Variants in NDUFAF6 observed in about 807,000 individuals in gnomAD.
NDUFAF6 encodes the protein NADH dehydrogenase (ubiquinone) complex I, assembly factor 6.
Under a neutral mutation model 40.8 loss-of-function variants are expected in NDUFAF6, and 45 were observed. That is an observed-to-expected ratio of 1.10 (90% CI 0.87 to 1.42). The LOEUF (loss-of-function observed/expected upper bound fraction) is 1.42. Among genes scored for constraint, NDUFAF6 ranks in the 40% most tolerant of loss-of-function variants. NDUFAF6 has a pLI of 0.00. For synonymous variants in NDUFAF6, 185 were observed against 155.9 expected (o/e 1.19, Z -1.39); for missense variants, 435 against 418.5 (o/e 1.04, Z -0.34).
intron 1 of NDUFAF6, among the ~76,000 whole-genome samples, chr8:94,903,661 G>A (rs141741853): frequency 2.0e-5 from 3 of 152,308 alleles, no homozygotes; most frequent in African/African-American, 7.2e-5. Flanking sequence ...AGCTATATCT[G>A]TAACATTTGT....
At position 95,032,244 on chromosome 8, in the gene NDUFAF6, C is replaced by T; in HGVS notation, c.297+150C>T. The T allele has an allele frequency of 1.1e-5, 8 of 698,718 alleles. No individual in the cohort carries two copies. In the South Asian group the frequency reaches 1.3e-4, roughly 11 times the overall value. The allele number at this position is 698,718 out of a possible 1,614,324, so 43.3% of individuals were successfully genotyped here. On this transcript the variant is annotated intron_variant, in intron 2 of 8. Coordinates refer to ENST00000396124, the MANE Select transcript of NDUFAF6 (RefSeq NM_152416.4). ...TTCTTTTCCCTGCTAACTGTTTAGG[C>T]TTAGTAATTCAATACCAAAAATAAA...
At chr8:94,993,408 T>C (rs1257672761) in intron 2 of NDUFAF6, among the ~76,000 whole-genome samples, 1 of 152,230 alleles carries the variant, frequency 6.6e-6, no homozygotes, top group Non-Finnish European at 1.5e-5. Flanking sequence ...AGGGGTTTAA[T>C]CTCTTTCTTC....
At chr8:94,943,714 CACT>C (rs1197866810) in intron 1 of NDUFAF6, among the ~76,000 whole-genome samples, 1 of 152,200 alleles carries the variant, frequency 6.6e-6, no homozygotes, top group Non-Finnish European at 1.5e-5. Flanking sequence ...TTGTTTGGCA[CACT>C]ACTACACAAG....
At chr8:94,996,644 G>A (rs2131630818) in intron 2 of NDUFAF6, among the ~76,000 whole-genome samples, 1 of 152,268 alleles carries the variant, frequency 6.6e-6, no homozygotes. Context: ...TGTTTGGGTT[G>A]AATTGTGCCC....
At chr8:95,093,635 CA>C (rs1214051244) in intron 2 of NDUFAF6, among the ~76,000 whole-genome samples, 1 of 152,146 alleles carries the variant, frequency 6.6e-6, no homozygotes, top group African/African-American at 2.4e-5. Context: ...AACAAAGTAA[CA>C]AAGGCCAAAG....
At chr8:94,934,993 A>G (rs996823942) in intron 1 of NDUFAF6, among the ~76,000 whole-genome samples, 1 of 152,200 alleles carries the variant, frequency 6.6e-6, no homozygotes, top group African/African-American at 2.4e-5. Context: ...ATAAAAAATC[A>G]TCTACAATAT....
At chr8:94,999,577 C>T (rs1193014461) in intron 2 of NDUFAF6, among the ~76,000 whole-genome samples, 4 of 151,922 alleles carry the variant, frequency 2.6e-5, no homozygotes, top group African/African-American at 7.3e-5. Flanking sequence ...CCATCATACC[C>T]GGCTAATTTT....
intron 2 of NDUFAF6, among the ~76,000 whole-genome samples, chr8:95,093,952 C>T (rs988542916): frequency 2.0e-5 from 3 of 152,106 alleles, no homozygotes; most frequent in Admixed American, 2.0e-4. Context: ...TTCTTTAGAC[C>T]TGAAATAAAT....
downstream of NDUFAF6, among the ~76,000 whole-genome samples, chr8:95,077,131 A>G (rs76918004): frequency 7.3e-3 from 1,111 of 152,326 alleles, 12 homozygotes; most frequent in African/African-American, 0.025. Context: ...CGAAAAAATC[A>G]ACCCTGGGGA....
At chr8:95,071,029 A>G (rs1832830215) in intron 9 of NDUFAF6, among the ~76,000 whole-genome samples, 1 of 152,172 alleles carries the variant, frequency 6.6e-6, no homozygotes, top group Non-Finnish European at 1.5e-5. Flanking sequence ...TAGAAATTAA[A>G]TCTACTTTCC....
chr8:95,049,211 C>A (rs1214991377), intron 7 of NDUFAF6, among the ~76,000 whole-genome samples: 2 of 151,746 alleles, frequency 1.3e-5, no homozygotes, highest in African/African-American at 4.8e-5. Flanking sequence ...TTCCTGAACT[C>A]TTCTTCTTTT....
intron 2 of NDUFAF6, among the ~76,000 whole-genome samples, chr8:94,993,054 G>A (rs562257459): frequency 6.6e-6 from 1 of 152,222 alleles, no homozygotes; most frequent in Non-Finnish European, 1.5e-5. Flanking sequence ...AATCCTGGCA[G>A]TTAGAAGTCC....
At position 95,063,907 on chromosome 8, in the gene NDUFAF6, T is replaced by A. The variant is rs867944796; in HGVS notation, c.*511+11677T>A. 4.0e-5 allele frequency among the ~76,000 whole-genome samples: 6 copies of A among 151,798 alleles called. No individual in the cohort carries two copies. In the South Asian group the frequency reaches 1.3e-3, roughly 32 times the overall value. On this transcript the variant is annotated intron_variant and NMD_transcript_variant, in intron 9 of 9. Transcript: ENST00000520757. Reference sequence around the variant, plus strand: ...TTTTTTTTGAGACGGAGTCCTGCTCTGTCACCCAGGCTGGAGTGCAGTGGC... The same window carrying A: ...TTTTTTTTGAGACGGAGTCCTGCTCAGTCACCCAGGCTGGAGTGCAGTGGC...
chr8:94,946,729 C>T (rs148968021), intron 2 of NDUFAF6, among the ~76,000 whole-genome samples: 24 of 86,198 alleles, frequency 2.8e-4, no homozygotes, highest in Non-Finnish European at 5.3e-4. Flanking sequence ...AAGACAGGCC[C>T]TGGAGTTTGA....
upstream of NDUFAF6, among the ~76,000 whole-genome samples, chr8:94,956,427 A>G (rs1299199792): frequency 6.6e-6 from 1 of 152,204 alleles, no homozygotes; most frequent in East Asian, 1.9e-4. Flanking sequence ...AGGTCCCACC[A>G]TGCCACAGGG....
chr8:94,932,000 G>T, intron 1 of NDUFAF6: 1 of 1,446,778 alleles, frequency 6.9e-7, no homozygotes, highest in Non-Finnish European at 9.5e-7. Context: ...ATTTTTAAAA[G>T]GTCAGCATTT....
At chr8:95,084,782 A>C (rs541686280) in intron 2 of NDUFAF6, among the ~76,000 whole-genome samples, 1 of 152,328 alleles carries the variant, frequency 6.6e-6, no homozygotes, top group African/African-American at 2.4e-5. Flanking sequence ...TACCAAAACA[A>C]CACTTGGGTA....
intron 2 of NDUFAF6, among the ~76,000 whole-genome samples, chr8:95,089,395 T>G (rs1186683023): frequency 6.6e-6 from 1 of 152,064 alleles, no homozygotes; most frequent in African/African-American, 2.4e-5. Context: ...TTCTGAAAAT[T>G]TCTTTGAAAT....
At chr8:95,006,222 A>T (rs1042225331) in intron 2 of NDUFAF6, among the ~76,000 whole-genome samples, 2 of 151,866 alleles carry the variant, frequency 1.3e-5, no homozygotes, top group African/African-American at 4.8e-5. Context: ...GCTGGGCGTG[A>T]TGCTGGACGC....
Sources: gnomAD v4.1 joint callset for allele counts (sites outside exome capture counted in the v4.1 genomes callset) on GRCh38, gnomAD v4.1.1 for gene constraint, MANE v1.5 for transcripts, NCBI Gene and HGNC (gene_info 2026-07-23, HGNC 2026-07-21) for gene names.